GRIA1: variants seen among roughly 807,000 people sequenced by gnomAD.
GRIA1 encodes the protein glutamate receptor 1.
In GRIA1, 31 loss-of-function variants were observed where a neutral mutation model predicts 99.2. That is an observed-to-expected ratio of 0.31 (90% confidence interval 0.23 to 0.42). GRIA1 has a LOEUF of 0.42. Ranked by LOEUF, GRIA1 falls within the 10% of genes least tolerant of loss-of-function variation. GRIA1 has a pLI of 1.00. For synonymous variants in GRIA1, 438 were observed against 432.4 expected (o/e 1.01, Z -0.16); for missense variants, 782 against 1,157.5 (o/e 0.68, Z 4.71).
intron 2 of GRIA1, among the ~76,000 whole-genome samples, chr5:153,560,006 G>GGCTATTGGT (rs145077727): frequency 1.3e-5 from 2 of 151,882 alleles, no homozygotes; most frequent in Non-Finnish European, 2.9e-5. Context: ...CTGAAATAGA[G>GGCTATTGGT]GTCATCATTT....
chr5:153,502,426 T>C (rs1395065443), intron 2 of GRIA1, among the ~76,000 whole-genome samples: 2 of 152,224 alleles, frequency 1.3e-5, no homozygotes, highest in Non-Finnish European at 2.9e-5. Context: ...TAAATACCTA[T>C]GGATGGTTAT....
At chr5:153,661,516 T>C (rs1755368281) in intron 5 of GRIA1, among the ~76,000 whole-genome samples, 1 of 152,208 alleles carries the variant, frequency 6.6e-6, no homozygotes, top group South Asian at 2.1e-4. Flanking sequence ...ATACTTGAGA[T>C]TAGATAACTG....
intron 14 of GRIA1, among the ~76,000 whole-genome samples, chr5:153,800,981 A>G (rs1765982461): frequency 1.3e-5 from 2 of 152,254 alleles, no homozygotes; most frequent in Admixed American, 6.5e-5. Context: ...ACCTGTGCCA[A>G]TTGAGGCATT....
At chr5:153,725,102 T>A (rs1434948070) in intron 11 of GRIA1, among the ~76,000 whole-genome samples, 1 of 152,080 alleles carries the variant, frequency 6.6e-6, no homozygotes, top group African/African-American at 2.4e-5. Flanking sequence ...TCAACATTCT[T>A]ACAGAAAAGA....
At position 153,656,394 on chromosome 5, in the gene GRIA1, T is replaced by A. The variant is rs770626927; in HGVS notation, c.699+522T>A. Among the ~76,000 whole-genome samples the A allele has an allele frequency of 5.1e-3, 261 of 51,286 alleles. 2 individuals carry two copies. Among genetic ancestry groups the A allele is most frequent in the Middle Eastern group, 8.6e-3 (1 of 116 alleles). 33.6% of individuals were successfully genotyped at this position (51,286 alleles called of 152,430 possible). On this transcript the variant is annotated intron_variant, in intron 5 of 15. Coordinates refer to ENST00000285900, the MANE Select transcript of GRIA1 (RefSeq NM_000827.4). ...ATAGATAAGTTTGTTTATATATATATATATATATATATATATATATTTGTT... is the reference window on the plus strand; with the variant it reads ...ATAGATAAGTTTGTTTATATATATAAATATATATATATATATATATTTGTT...
At chr5:153,491,035 G>A in intron 1 of GRIA1, 65 bp downstream of exon 1, 3 of 1,444,824 alleles carry the variant, frequency 2.1e-6, no homozygotes, top group Non-Finnish European at 2.9e-6. Context: ...TTGGGGATAG[G>A]GGTTGTGTAC....
chr5:153,718,359 G>A (rs192926145), intron 11 of GRIA1, among the ~76,000 whole-genome samples: 62 of 152,304 alleles, frequency 4.1e-4, no homozygotes, highest in Non-Finnish European at 1.0e-4. Context: ...CTGGTCCCAA[G>A]GGATTAAGCA....
At chr5:153,691,484 T>G (rs183783266) in intron 8 of GRIA1, among the ~76,000 whole-genome samples, 1 of 152,310 alleles carries the variant, frequency 6.6e-6, no homozygotes, top group East Asian at 1.9e-4. Flanking sequence ...GCCCCAAGTT[T>G]ATTATCCCCA....
chr5:153,641,588 G>T (rs779000330), intron 2 of GRIA1, among the ~76,000 whole-genome samples: 2 of 152,152 alleles, frequency 1.3e-5, no homozygotes, highest in Non-Finnish European at 2.9e-5. Flanking sequence ...TGGAGGCAGG[G>T]CCCTCAGAAT....
At chr5:153,651,169 A>G (rs1176056418) in intron 4 of GRIA1, among the ~76,000 whole-genome samples, 1 of 152,162 alleles carries the variant, frequency 6.6e-6, no homozygotes, top group Non-Finnish European at 1.5e-5. Flanking sequence ...TATAGGGCCA[A>G]ATTTCTGGGT....
chr5:153,727,555 A>C (rs1271685429), intron 11 of GRIA1, among the ~76,000 whole-genome samples: 35 of 152,380 alleles, frequency 2.3e-4, no homozygotes, highest in Admixed American at 2.3e-3. Flanking sequence ...ATACAAAATC[A>C]ATGTACAAAA....
chr5:153,542,009 G>T (rs546609003), intron 2 of GRIA1, among the ~76,000 whole-genome samples: 1 of 149,698 alleles, frequency 6.7e-6, no homozygotes, highest in Non-Finnish European at 1.5e-5. Flanking sequence ...CATTCATCCT[G>T]CAACTTGAAC....
intron 2 of GRIA1, among the ~76,000 whole-genome samples, chr5:153,613,886 C>A (rs971585085): frequency 6.6e-6 from 1 of 152,216 alleles, no homozygotes; most frequent in South Asian, 2.1e-4. Flanking sequence ...AGTGCCACGT[C>A]CCCCATCAGC....
intron 11 of GRIA1, among the ~76,000 whole-genome samples, chr5:153,750,476 GA>G (rs1762439040): frequency 6.6e-6 from 1 of 152,144 alleles, no homozygotes; most frequent in Non-Finnish European, 1.5e-5. Flanking sequence ...ACGTGTTTTT[GA>G]AATAAAGAAG....
At chr5:153,588,042 T>C (rs1033898952) in intron 2 of GRIA1, among the ~76,000 whole-genome samples, 1 of 152,180 alleles carries the variant, frequency 6.6e-6, no homozygotes, top group Non-Finnish European at 1.5e-5. Context: ...GGAGGAAAGG[T>C]CATTCCTGCC....
chr5:153,524,872 T>G (rs1318822850), intron 2 of GRIA1, among the ~76,000 whole-genome samples: 1 of 152,230 alleles, frequency 6.6e-6, no homozygotes, highest in African/African-American at 2.4e-5. Flanking sequence ...GAAATATTGC[T>G]ACTGAAAGTC....
chr5:153,576,909 C>G (rs1337130088), intron 2 of GRIA1, among the ~76,000 whole-genome samples: 3 of 151,634 alleles, frequency 2.0e-5, no homozygotes, highest in Non-Finnish European at 4.4e-5. Flanking sequence ...TGACACGTAG[C>G]AGGCTCTCAA....
intron 13 of GRIA1, among the ~76,000 whole-genome samples, chr5:153,777,588 G>A (rs1036170763): frequency 6.6e-6 from 1 of 151,980 alleles, no homozygotes; most frequent in Non-Finnish European, 1.5e-5. Flanking sequence ...CCTCCCATTA[G>A]ACCTACTAAA....
chr5:153,665,429 A>G lies in GRIA1; in HGVS notation c.700-9071A>G, dbSNP rs575182347. Among the ~76,000 whole-genome samples, 179 of 152,336 alleles carry G rather than the reference A, an allele frequency of 1.2e-3. 1 individual carries two copies. The highest frequency in any genetic ancestry group is 4.2e-3 in the African/African-American group (175 of 41,578). On this transcript the variant is annotated intron_variant, in intron 5 of 15. Transcript: ENST00000285900. ...TGTTTTCACTGATTTAAGCACAGCT[A>G]CAATACCTTGTTTAATTAGAGGGAA...
Sources: allele counts gnomAD v4.1 joint callset (sites outside exome capture counted in the v4.1 genomes callset), GRCh38; gene constraint gnomAD v4.1.1; transcripts MANE v1.5; gene names NCBI Gene and HGNC (gene_info 2026-07-23, HGNC 2026-07-21).